The following SUB1 variants were observed in gnomAD, a reference collection of about 807,000 sequenced individuals.
The protein encoded by SUB1 is SUB1 regulator of transcription, also known as activated RNA polymerase II transcriptional coactivator p15.
In SUB1, 1 loss-of-function variant was observed where a neutral mutation model predicts 16.9. The ratio of observed to expected loss-of-function variants is 0.06; its 90% CI spans 0.02 to 0.28. SUB1 has a LOEUF of 0.28. Ranked by LOEUF, SUB1 falls within the 10% of genes least tolerant of loss-of-function variation. The probability of loss-of-function intolerance (pLI) is 1.00; values close to 1 mark genes in which losing one functional copy is unlikely to be tolerated. For synonymous variants in SUB1, 51 were observed against 46.9 expected, an observed-to-expected ratio of 1.09 and a Z score of -0.36; for missense variants, 84 against 145.2, an observed-to-expected ratio of 0.58 and a Z score of 2.16.
At chr5:32,587,490 A>G (rs2111650915) in intron 1 of SUB1, among the ~76,000 whole-genome samples, 1 of 152,278 alleles carries the variant, frequency 6.6e-6, no homozygotes, top group East Asian at 1.9e-4. Flanking sequence ...AATTTGCGGG[A>G]AGGTTTTGCA....
At position 32,590,494 on chromosome 5, in the gene SUB1, A is replaced by AT. The variant is rs769991776; in HGVS notation, c.73-1055dup. On this transcript the variant is annotated intron_variant, in intron 2 of 4. Transcript: ENST00000265073. ...GTCTAACACATAGCTGTCTACAATG[A>AT]TTTTTTTTTTTTTTGTAATGAGGAA... Among the ~76,000 whole-genome samples the AT allele has an allele frequency of 3.9e-3, 559 of 142,786 alleles. 2 individuals carry two copies. The highest frequency in any genetic ancestry group is 0.01 in the African/African-American group (404 of 39,272). 93.7% of individuals were successfully genotyped at this position (142,786 alleles called of 152,430 possible).
intron 3 of SUB1, among the ~76,000 whole-genome samples, chr5:32,592,573 A>T (rs937585627): frequency 3.3e-5 from 5 of 152,198 alleles, no homozygotes; most frequent in African/African-American, 1.2e-4. Context: ...GTAGGCTTTA[A>T]TCTGTATGTG....
chr5:32,600,168 T>A (rs1442949916), intron 4 of SUB1, among the ~76,000 whole-genome samples: 1 of 152,186 alleles, frequency 6.6e-6, no homozygotes, highest in African/African-American at 2.4e-5. Context: ...TTAGTGAAAG[T>A]GAGGCTGGAA....
At chr5:32,596,989 A>G (rs1214183005) in intron 3 of SUB1, 2 of 152,246 alleles carry the variant, frequency 1.3e-5, no homozygotes, top group African/African-American at 2.4e-5. Flanking sequence ...TGAAGTGAAC[A>G]TGAAAAGGAA....
At chr5:32,598,897 A>G (rs1392179287) in intron 3 of SUB1, 64 bp from the exon 4 acceptor site, 3 of 1,269,128 alleles carry the variant, frequency 2.4e-6, no homozygotes, top group African/African-American at 1.5e-5. Context: ...GTGAATATGA[A>G]TACAATTGAA....
At chr5:32,595,143 T>C (rs1427340293) in intron 3 of SUB1, 1 of 152,078 alleles carries the variant, frequency 6.6e-6, no homozygotes, top group Non-Finnish European at 1.5e-5. Flanking sequence ...GTTTTACTCT[T>C]TTTTTCCCCC....
At chr5:32,588,701 G>A in intron 2 of SUB1, 117 bp downstream of exon 2, 1 of 1,035,334 alleles carries the variant, frequency 9.7e-7, no homozygotes, top group Non-Finnish European at 1.3e-6. Context: ...GCTGGGCGCG[G>A]TGGCTCATGC....
At chr5:32,592,866 A>C (rs1738864924) in intron 3 of SUB1, among the ~76,000 whole-genome samples, 2 of 152,202 alleles carry the variant, frequency 1.3e-5, no homozygotes, top group Admixed American at 6.5e-5. Context: ...GGTTATATTC[A>C]GATAGAGAAT....
Position 32,603,349 on chromosome 5 carries a change from C to G in SUB1, c.*2265C>G, listed in dbSNP as rs1739162668. 6.6e-6 allele frequency: 1 copy of G among 151,948 alleles called. No homozygotes were observed. Among genetic ancestry groups the G allele is most frequent in the African/African-American group, 2.4e-5 (1 of 41,370 alleles). 9.4% of individuals were successfully genotyped at this position (151,948 alleles called of 1,614,324 possible). ...AGATTTTTTTTTCCTGGGCAGAAAA[C>G]TTGGCATTTTTAGGCGTAGATACCT... is the stretch of plus-strand genomic sequence containing the variant. On this transcript the variant is annotated 3_prime_UTR_variant, in exon 5 of 5. Transcript: ENST00000265073.
At chr5:32,597,033 C>A (rs891485470) in intron 3 of SUB1, 1 of 147,644 alleles carries the variant, frequency 6.8e-6, no homozygotes, top group South Asian at 2.1e-4. Flanking sequence ...ACTCTGGATT[C>A]GTATATTCAG....
chr5:32,591,412 T>G, intron 2 of SUB1, 151 bp from the exon 3 acceptor site: 1 of 1,073,942 alleles, frequency 9.3e-7, no homozygotes. Flanking sequence ...ATTCATAGTT[T>G]TGTTGTTGAG....
intron 2 of SUB1, among the ~76,000 whole-genome samples, chr5:32,589,487 G>A (rs977115862): frequency 6.6e-6 from 1 of 152,204 alleles, no homozygotes; most frequent in East Asian, 1.9e-4. Flanking sequence ...TTTGTACTAA[G>A]TTTGTGCTCT....
intron 3 of SUB1, chr5:32,594,769 G>A (rs990748324): frequency 1.5e-4 from 31 of 201,908 alleles, no homozygotes; most frequent in Admixed American, 3.3e-4. Flanking sequence ...AGAATCTAAT[G>A]CCTGATGGTG....
At chr5:32,589,795 CTAGCACTGG>C (rs977914262) in intron 2 of SUB1, among the ~76,000 whole-genome samples, 11 of 151,988 alleles carry the variant, frequency 7.2e-5, no homozygotes, top group Non-Finnish European at 1.5e-4. Context: ...TAAGTAATGA[CTAGCACTGG>C]TAGACCTGTG....
intron 3 of SUB1, among the ~76,000 whole-genome samples, chr5:32,594,152 A>G (rs934825626): frequency 6.6e-6 from 1 of 152,232 alleles, no homozygotes; most frequent in East Asian, 1.9e-4. Flanking sequence ...AGAAAAATCA[A>G]TAGACTTATC....
chr5:32,594,819 C>G (rs1738917924), intron 3 of SUB1: 1 of 189,194 alleles, frequency 5.3e-6, no homozygotes, highest in Non-Finnish European at 1.1e-5. Context: ...TTCCCCTTCC[C>G]TACCTGCTGT....
chr5:32,594,026 AG>A (rs1738895766), intron 3 of SUB1, among the ~76,000 whole-genome samples: 1 of 152,176 alleles, frequency 6.6e-6, no homozygotes, highest in African/African-American at 2.4e-5. Context: ...TCATGGATCT[AG>A]TAGTGTAGGC....
At chr5:32,594,165 T>C (rs1007275549) in intron 3 of SUB1, among the ~76,000 whole-genome samples, 1 of 152,222 alleles carries the variant, frequency 6.6e-6, no homozygotes, top group African/African-American at 2.4e-5. Context: ...GACTTATCTT[T>C]TAAAGTCTGA....
Position 32,601,221 on chromosome 5 carries a change from T to C in SUB1, c.*137T>C, listed in dbSNP as rs1325613482. ...GAAGAATTTGTAAGATGAATACTTT[T>C]TTTTAATGTGCATTATTAAAAATAT... On this transcript the variant is annotated 3_prime_UTR_variant, in exon 5 of 5. Transcript: ENST00000265073. 4 of 673,906 alleles carry C rather than the reference T, an allele frequency of 5.9e-6. No individual in the cohort carries two copies. The African/African-American group carries it at 7.4e-5, about 13-fold the overall frequency. 41.7% of individuals were successfully genotyped at this position (673,906 alleles called of 1,614,324 possible). A position where few individuals can be genotyped will look rare whatever the true frequency, so the allele number is the denominator to read the frequency against.
Sources: gnomAD v4.1 joint callset for allele counts (sites outside exome capture counted in the v4.1 genomes callset) on GRCh38, gnomAD v4.1.1 for gene constraint, MANE v1.5 for transcripts, NCBI Gene and HGNC (gene_info 2026-07-23, HGNC 2026-07-21) for gene names.